Variants in SLC8A1 observed in about 807,000 individuals in gnomAD.
SLC8A1 encodes sodium/calcium exchanger 1.
A neutral mutation model predicts 68.3 loss-of-function variants in SLC8A1; 18 were observed. The observed-to-expected ratio is 0.26, with a 90% confidence interval of 0.18 to 0.39. The LOEUF is 0.39. Among genes scored for constraint, SLC8A1 ranks in the 10% least tolerant of loss-of-function variants. SLC8A1 has a pLI of 1.00. For missense variants in SLC8A1, 985 were observed against 1,156.7 expected, an observed-to-expected ratio of 0.85 and a Z score of 2.15; for synonymous variants, 475 against 415.5, an observed-to-expected ratio of 1.14 and a Z score of -1.74.
chr2:40,363,659 C>G (rs1675223626), intron 2 of SLC8A1, among the ~76,000 whole-genome samples: 1 of 152,082 alleles, frequency 6.6e-6, no homozygotes, highest in African/African-American at 2.4e-5. Flanking sequence ...AATATGCATG[C>G]AAATAAGCCC....
exon 8 of SLC8A1, chr2:40,100,409 C>T (rs1300836059): frequency 6.6e-6 from 1 of 152,074 alleles, no homozygotes; most frequent in Non-Finnish European, 1.5e-5. Flanking sequence ...AAATCAACCA[C>T]TATGGACGGC....
At chr2:40,186,729 T>C (rs1220833624) in intron 2 of SLC8A1, among the ~76,000 whole-genome samples, 1 of 152,174 alleles carries the variant, frequency 6.6e-6, no homozygotes, top group Non-Finnish European at 1.5e-5. Flanking sequence ...TCTGCTACTT[T>C]CTAGCCAAGG....
chr2:40,409,514 A>C (rs1691446234), intron 2 of SLC8A1, among the ~76,000 whole-genome samples: 1 of 152,138 alleles, frequency 6.6e-6, no homozygotes, highest in South Asian at 2.1e-4. Context: ...ACATAACACC[A>C]CATCAGAGCT....
chr2:40,428,568 G>T (rs774752331), exon 2 of SLC8A1: 2 of 1,613,732 alleles, frequency 1.2e-6, no homozygotes, highest in East Asian at 4.5e-5. Flanking sequence ...TATATGGAAC[G>T]ATAACATTTC....
At chr2:40,191,419 C>T (rs2051814983) in intron 2 of SLC8A1, among the ~76,000 whole-genome samples, 1 of 152,164 alleles carries the variant, frequency 6.6e-6, no homozygotes, top group Admixed American at 6.6e-5. Context: ...AAGATAAAAT[C>T]AGCAAGACAA....
chr2:40,346,747 G>T (rs1188478860), intron 2 of SLC8A1, among the ~76,000 whole-genome samples: 1 of 152,038 alleles, frequency 6.6e-6, no homozygotes, highest in African/African-American at 2.4e-5. Context: ...CCTGTCTAAA[G>T]GCACCAAAAT....
chr2:40,410,613 A>C (rs974164330), intron 2 of SLC8A1, among the ~76,000 whole-genome samples: 4 of 152,114 alleles, frequency 2.6e-5, no homozygotes, highest in Non-Finnish European at 5.9e-5. Flanking sequence ...TACATGTATA[A>C]CATGATATTT....
intron 3 of SLC8A1, chr2:40,176,015 A>C (rs761613841): frequency 1.8e-4 from 79 of 446,894 alleles, no homozygotes; most frequent in South Asian, 1.1e-3. Flanking sequence ...CAGGAAACTG[A>C]CAGGGCATTG....
At chr2:40,230,990 G>A (rs1013256823) in intron 2 of SLC8A1, among the ~76,000 whole-genome samples, 8 of 152,160 alleles carry the variant, frequency 5.3e-5, no homozygotes, top group Non-Finnish European at 4.4e-5. Flanking sequence ...TCATCAAACC[G>A]AGTGGTAAGT....
chr2:40,191,648 C>CCAAA (rs2051872211), intron 2 of SLC8A1, among the ~76,000 whole-genome samples: 1 of 152,134 alleles, frequency 6.6e-6, no homozygotes, highest in African/African-American at 2.4e-5. Flanking sequence ...AACCACTGGA[C>CCAAA]CAAACAGTGA....
chr2:40,356,959 G>T (rs1672847324), intron 2 of SLC8A1, among the ~76,000 whole-genome samples: 1 of 152,106 alleles, frequency 6.6e-6, no homozygotes, highest in African/African-American at 2.4e-5. Context: ...CAACCATCTT[G>T]CCCTATTATA....
intron 2 of SLC8A1, among the ~76,000 whole-genome samples, chr2:40,252,895 TTATATGTATG>T (rs1451913147): frequency 1.7e-4 from 11 of 66,526 alleles, no homozygotes; most frequent in South Asian, 6.8e-4. Flanking sequence ...GAGCCAAATT[TTATATGTATG>T]TATATGTGTA....
At chr2:40,394,443 G>A (rs983138537) in intron 2 of SLC8A1, among the ~76,000 whole-genome samples, 2 of 151,384 alleles carry the variant, frequency 1.3e-5, no homozygotes, top group African/African-American at 4.9e-5. Context: ...TTTTCTGTTA[G>A]TGTGTGTGTG....
intron 1 of SLC8A1, among the ~76,000 whole-genome samples, chr2:40,448,883 G>C (rs964058075): frequency 2.0e-5 from 3 of 152,118 alleles, no homozygotes; most frequent in Admixed American, 6.5e-5. Flanking sequence ...ATAGCATGTT[G>C]ATTCCTAAAT....
intron 2 of SLC8A1, among the ~76,000 whole-genome samples, chr2:40,179,974 T>A (rs1226324330): frequency 6.6e-6 from 1 of 152,162 alleles, no homozygotes; most frequent in African/African-American, 2.4e-5. Context: ...TAAAGAACAT[T>A]CTTGAATGAT....
rs1698852758 is a variant in SLC8A1, at chr2:40,433,784, G to C, written c.-24-3480C>G. ...TCCATTATATCATCCCTGATAGTGTGTGAAGTAATCTTTGAGAACTATTGG... is the reference window on the plus strand; with the variant it reads ...TCCATTATATCATCCCTGATAGTGTCTGAAGTAATCTTTGAGAACTATTGG... On this transcript the variant is annotated intron_variant, in intron 1 of 7. Coordinates refer to ENST00000406785, the Ensembl canonical transcript of SLC8A1. Among the ~76,000 whole-genome samples the C allele has an allele frequency of 1.3e-5, 2 of 152,176 alleles. 1 individual carries two copies. Among genetic ancestry groups the C allele is most frequent in the Non-Finnish European group, 2.9e-5 (2 of 68,028 alleles).
chr2:40,443,393 TCTAAG>T (rs1234112026), intron 1 of SLC8A1, among the ~76,000 whole-genome samples: 1 of 152,096 alleles, frequency 6.6e-6, no homozygotes, highest in African/African-American at 2.4e-5. Context: ...AAAAATAACA[TCTAAG>T]CTGAGATTTA....
At chr2:40,287,803 G>T (rs75385165) in intron 2 of SLC8A1, among the ~76,000 whole-genome samples, 7 of 151,878 alleles carry the variant, frequency 4.6e-5, no homozygotes, top group African/African-American at 1.7e-4. Context: ...GAGAGGAAGC[G>T]TGGGAACTGA....
intron 2 of SLC8A1, among the ~76,000 whole-genome samples, chr2:40,401,046 C>T (rs1688579323): frequency 6.6e-6 from 1 of 152,196 alleles, no homozygotes; most frequent in Admixed American, 6.5e-5. Context: ...AAAACACAGA[C>T]ACCATCATAG....
Sources: gnomAD v4.1 joint callset for allele counts (sites outside exome capture counted in the v4.1 genomes callset) on GRCh38, gnomAD v4.1.1 for gene constraint, MANE v1.5 for transcripts, NCBI Gene and HGNC (gene_info 2026-07-23, HGNC 2026-07-21) for gene names.